SLC24A2: variants seen among roughly 807,000 people sequenced by gnomAD.
SLC24A2 encodes the protein sodium/potassium/calcium exchanger 2.
In SLC24A2, 36 loss-of-function variants were observed where a neutral mutation model predicts 62.0. The observed-to-expected ratio is 0.58, with a 90% CI of 0.44 to 0.77. The LOEUF (loss-of-function observed/expected upper bound fraction) is 0.77, where lower values mean the gene tolerates loss of function less well. SLC24A2 is among the 30% of genes least tolerant of loss of function. The probability of loss-of-function intolerance (pLI) is 0.00; values close to 1 mark genes in which losing one functional copy is unlikely to be tolerated. For synonymous variants in SLC24A2, 358 were observed against 294.0 expected, an observed-to-expected ratio of 1.22 and a Z score of -2.23; for missense variants, 846 against 817.9, an observed-to-expected ratio of 1.03 and a Z score of -0.42.
At chr9:19,731,917 C>A (rs193149960) in intron 2 of SLC24A2, among the ~76,000 whole-genome samples, 6 of 152,264 alleles carry the variant, frequency 3.9e-5, no homozygotes, top group Admixed American at 3.9e-4. Context: ...CCAGTTTGTC[C>A]AACCACTTGA....
chr9:20,103,264 G>C, the SLC24A2 span, among the ~76,000 whole-genome samples: 2 of 152,188 alleles, frequency 1.3e-5, no homozygotes, highest in Admixed American at 1.3e-4. Flanking sequence ...CCACCTCTGG[G>C]GGCAGGGCAC....
At chr9:20,026,843 A>G in the SLC24A2 span, among the ~76,000 whole-genome samples, 1 of 152,192 alleles carries the variant, frequency 6.6e-6, no homozygotes, top group Non-Finnish European at 1.5e-5. Context: ...TGTCAACCTA[A>G]AAAGCTTCTG....
At chr9:19,801,616 C>G in the SLC24A2 span, among the ~76,000 whole-genome samples, 5 of 152,228 alleles carry the variant, frequency 3.3e-5, no homozygotes, top group African/African-American at 1.2e-4. Flanking sequence ...TCCCACTGTG[C>G]TCTCAGGCAG....
chr9:20,021,275 CT>C, the SLC24A2 span, among the ~76,000 whole-genome samples: 3 of 151,700 alleles, frequency 2.0e-5, no homozygotes, highest in African/African-American at 7.3e-5. Flanking sequence ...TCCATTTGTT[CT>C]TAAAAGTAGT....
the SLC24A2 span, among the ~76,000 whole-genome samples, chr9:20,021,877 T>C: frequency 6.6e-6 from 1 of 152,176 alleles, no homozygotes; most frequent in African/African-American, 2.4e-5. Flanking sequence ...GAGCAGCCCA[T>C]GCCCAGCTCT....
chr9:20,103,389 G>T, the SLC24A2 span, among the ~76,000 whole-genome samples: 1 of 152,232 alleles, frequency 6.6e-6, no homozygotes, highest in South Asian at 2.1e-4. Context: ...CAGGCAGACT[G>T]CCTCCTCAAG....
At chr9:20,261,508 C>T in the SLC24A2 span, among the ~76,000 whole-genome samples, 1 of 152,114 alleles carries the variant, frequency 6.6e-6, no homozygotes, top group Admixed American at 6.5e-5. Context: ...TAACAACACT[C>T]ATCCATTCAT....
the SLC24A2 span, among the ~76,000 whole-genome samples, chr9:20,008,259 G>T: frequency 1.3e-5 from 2 of 151,942 alleles, no homozygotes; most frequent in Non-Finnish European, 2.9e-5. Flanking sequence ...CCACTTGTGG[G>T]TCTCTGTATC....
chr9:20,043,025 G>T, the SLC24A2 span, among the ~76,000 whole-genome samples: 2 of 151,960 alleles, frequency 1.3e-5, no homozygotes, highest in African/African-American at 4.8e-5. Flanking sequence ...ATGGAAATTG[G>T]ACCAATTAAT....
At chr9:19,633,999 G>GAA (rs1818245050) in intron 2 of SLC24A2, among the ~76,000 whole-genome samples, 2 of 152,130 alleles carry the variant, frequency 1.3e-5, no homozygotes, top group Non-Finnish European at 2.9e-5. Flanking sequence ...TAGGTAGCAA[G>GAA]TCTAAGAATT....
At chr9:19,942,825 T>C in the SLC24A2 span, among the ~76,000 whole-genome samples, 1 of 152,082 alleles carries the variant, frequency 6.6e-6, no homozygotes, top group Non-Finnish European at 1.5e-5. Flanking sequence ...GGCAGGGAAG[T>C]CGTGGATGTT....
chr9:19,611,863 GA>G (rs1405287394), intron 4 of SLC24A2, among the ~76,000 whole-genome samples: 4 of 152,150 alleles, frequency 2.6e-5, no homozygotes, highest in Non-Finnish European at 4.4e-5. Context: ...GTGGTCCTGG[GA>G]AAATAGATTT....
chr9:20,219,919 C>G, the SLC24A2 span, among the ~76,000 whole-genome samples: 2 of 152,158 alleles, frequency 1.3e-5, no homozygotes, highest in African/African-American at 4.8e-5. Context: ...CAGCACTATA[C>G]TATACACAAT....
chr9:20,266,508 A>T, the SLC24A2 span, among the ~76,000 whole-genome samples: 2 of 151,874 alleles, frequency 1.3e-5, no homozygotes, highest in Non-Finnish European at 2.9e-5. Flanking sequence ...CCCTTCGATA[A>T]CTGCTTTTCA....
At chr9:19,776,064 T>C (rs1214173480) in intron 2 of SLC24A2, among the ~76,000 whole-genome samples, 2 of 152,356 alleles carry the variant, frequency 1.3e-5, no homozygotes, top group East Asian at 3.9e-4. Context: ...TATGGATATG[T>C]AAATATGCAC....
chr9:20,149,994 T>C, the SLC24A2 span, among the ~76,000 whole-genome samples: 1 of 152,034 alleles, frequency 6.6e-6, no homozygotes, highest in African/African-American at 2.4e-5. Flanking sequence ...CACACCCTTA[T>C]AGTCACTGTG....
chr9:19,788,685 G>A, intron 1 of SLC24A2, 200 bp downstream of exon 1: 2 of 985,234 alleles, frequency 2.0e-6, no homozygotes, highest in Non-Finnish European at 1.2e-6. Context: ...CAAAAGCAAG[G>A]GTAGGAGAGG....
chr9:19,689,565 C>A (rs1470204067), intron 2 of SLC24A2, among the ~76,000 whole-genome samples: 1 of 152,072 alleles, frequency 6.6e-6, no homozygotes. Context: ...GAATAAATGC[C>A]ACAGGCCCAT....
At chr9:20,068,388 C>G in the SLC24A2 span, among the ~76,000 whole-genome samples, 1 of 152,026 alleles carries the variant, frequency 6.6e-6, no homozygotes, top group Non-Finnish European at 1.5e-5. Context: ...AATAGCCATT[C>G]TGACTACAAT....
Sources: gnomAD v4.1 joint callset for allele counts (sites outside exome capture counted in the v4.1 genomes callset) on GRCh38, gnomAD v4.1.1 for gene constraint, MANE v1.5 for transcripts, NCBI Gene and HGNC (gene_info 2026-07-23, HGNC 2026-07-21) for gene names.